Variants in GPATCH8 observed in about 807,000 individuals in gnomAD.
The protein encoded by GPATCH8 is G-patch domain containing 8.
A neutral mutation model predicts 118.3 loss-of-function variants in GPATCH8; 18 were observed. That is an observed-to-expected ratio of 0.15 (90% CI 0.11 to 0.23). The LOEUF (loss-of-function observed/expected upper bound fraction) is 0.23. Ranked by LOEUF, GPATCH8 falls within the 10% of genes least tolerant of loss-of-function variation. The probability of loss-of-function intolerance (pLI) is 1.00; values close to 1 mark genes in which losing one functional copy is unlikely to be tolerated. For synonymous variants in GPATCH8, 659 were observed against 684.7 expected, an observed-to-expected ratio of 0.96 and a Z score of 0.59; for missense variants, 1,631 against 1,873.8, an observed-to-expected ratio of 0.87 and a Z score of 2.39.
intron 7 of GPATCH8, among the ~76,000 whole-genome samples, chr17:44,401,740 A>AT (rs61456581): frequency 0.012 from 1,860 of 152,304 alleles, 32 homozygotes; most frequent in African/African-American, 0.037. Context: ...GTGGTGGCTC[A>AT]TGCCTGTAAT....
At chr17:44,405,607 C>T (rs568669139) in intron 7 of GPATCH8, among the ~76,000 whole-genome samples, 63 of 152,058 alleles carry the variant, frequency 4.1e-4, no homozygotes, top group African/African-American at 1.5e-3. Flanking sequence ...CAGGTTCACG[C>T]CATTCTCCTG....
chr17:44,474,692 AC>A, intron 2 of GPATCH8, 136 bp downstream of exon 2: 1 of 705,796 alleles, frequency 1.4e-6, no homozygotes, highest in Non-Finnish European at 2.6e-6. Flanking sequence ...TTAATTGATT[AC>A]TGTATGGCAT....
intron 3 of GPATCH8, among the ~76,000 whole-genome samples, chr17:44,452,351 T>C (rs2051149629): frequency 1.4e-5 from 2 of 144,928 alleles, no homozygotes; most frequent in African/African-American, 5.1e-5. Context: ...GCTCTTTGGG[T>C]AAAATGGGAG....
chr17:44,403,164 C>T (rs1371870732), intron 7 of GPATCH8, among the ~76,000 whole-genome samples: 1 of 152,084 alleles, frequency 6.6e-6, no homozygotes. Context: ...CAACCTCTAC[C>T]TCCCGGGTTC....
chr17:44,406,697 T>G (rs2049246149), intron 6 of GPATCH8, among the ~76,000 whole-genome samples: 1 of 152,124 alleles, frequency 6.6e-6, no homozygotes, highest in African/African-American at 2.4e-5. Flanking sequence ...GAAAGTAGTA[T>G]GTGAGGCTTT....
At chr17:44,411,925 T>C (rs928507789) in intron 6 of GPATCH8, among the ~76,000 whole-genome samples, 1 of 152,036 alleles carries the variant, frequency 6.6e-6, no homozygotes, top group African/African-American at 2.4e-5. Context: ...AGACTGTGTC[T>C]ATAAAAAAAA....
chr17:44,483,391 C>T (rs1399616983), intron 1 of GPATCH8, among the ~76,000 whole-genome samples: 6 of 145,736 alleles, frequency 4.1e-5, no homozygotes, highest in Admixed American at 3.5e-4. Context: ...GCTGGGACTA[C>T]AGGCACCCAC....
intron 1 of GPATCH8, among the ~76,000 whole-genome samples, chr17:44,495,963 G>T (rs1969638869): frequency 6.6e-6 from 1 of 152,164 alleles, no homozygotes; most frequent in Non-Finnish European, 1.5e-5. Flanking sequence ...CACCTCCCAG[G>T]TTCAAGAGAT....
Position 44,400,058 on chromosome 17 carries a change from G to C in GPATCH8, c.2019C>G (p.His673Gln), listed in dbSNP as rs1446264474. 3.1e-6 allele frequency: 5 copies of C among 1,613,778 alleles called. No individual in the cohort carries two copies. Among genetic ancestry groups the C allele is most frequent in the Non-Finnish European group, 4.2e-6 (5 of 1,179,984 alleles). ...PSKKERSGKS[H>Q]RHKKKKKHKK... ...TGTGCTTCTTTTTCTTTTTGTGCCG[G>C]TGGGACTTCCCAGATCGTTCTTTCT... is the stretch of plus-strand genomic sequence containing the variant. Residue 673 changes from histidine (H) to glutamine (Q), a missense_variant, in exon 8 of 8, where the codon CAC (histidine) becomes CAG (glutamine). Around this residue, in one of 8 missense-constraint regions of GPATCH8, gnomAD observed 922 missense variants for 879.7 expected, o/e 1.05. Coordinates refer to ENST00000591680, the MANE Select transcript of GPATCH8 (RefSeq NM_001002909.4).
chr17:44,474,622 T>A lies in GPATCH8; in HGVS notation c.120+207A>T. Reference sequence around the variant, plus strand: ...ATTTTTCCATTGAAATTCTAATGTGTTTCTAGATTTTTTTGGACTGATTTC... The same window carrying A: ...ATTTTTCCATTGAAATTCTAATGTGATTCTAGATTTTTTTGGACTGATTTC... On this transcript the variant is annotated intron_variant, in intron 2 of 7. Transcript: ENST00000591680. 3 of 660,730 alleles carry A rather than the reference T, an allele frequency of 4.5e-6. No homozygotes were observed. The South Asian group carries it at 4.8e-5, about 11-fold the overall frequency. The allele number at this position is 660,730 out of a possible 1,614,324, so 40.9% of individuals were successfully genotyped here.
chr17:44,469,711 A>G (rs140597436), intron 2 of GPATCH8, among the ~76,000 whole-genome samples: 2 of 152,320 alleles, frequency 1.3e-5, no homozygotes, highest in Non-Finnish European at 2.9e-5. Context: ...CCATGCAAAC[A>G]AGTTGTAAAA....
intron 6 of GPATCH8, among the ~76,000 whole-genome samples, chr17:44,419,937 A>G (rs1041384091): frequency 2.0e-5 from 3 of 152,130 alleles, no homozygotes; most frequent in East Asian, 3.9e-4. Context: ...TACTGTTTGC[A>G]TTAGAACAGC....
intron 3 of GPATCH8, among the ~76,000 whole-genome samples, chr17:44,437,897 A>G (rs945165031): frequency 6.6e-6 from 1 of 151,754 alleles, no homozygotes; most frequent in Admixed American, 6.6e-5. Flanking sequence ...CAGTAAAAAA[A>G]CAAAACAAAA....
chr17:44,433,686 G>A (rs1055532319), intron 5 of GPATCH8, among the ~76,000 whole-genome samples: 1 of 152,100 alleles, frequency 6.6e-6, no homozygotes, highest in African/African-American at 2.4e-5. Context: ...GAAAAAGAGG[G>A]CCCAGGTCTG....
At chr17:44,488,666 T>C (rs1455674006) in intron 1 of GPATCH8, among the ~76,000 whole-genome samples, 1 of 151,368 alleles carries the variant, frequency 6.6e-6, no homozygotes, top group Non-Finnish European at 1.5e-5. Context: ...CCACCACACA[T>C]GGCCCATGAT....
chr17:44,406,276 T>A (rs1407154928), intron 6 of GPATCH8, among the ~76,000 whole-genome samples: 2 of 152,130 alleles, frequency 1.3e-5, no homozygotes, highest in Non-Finnish European at 2.9e-5. Context: ...ATTTGCTTTA[T>A]TAGGCAAAAT....
chr17:44,482,057 G>A (rs940200342), intron 1 of GPATCH8, among the ~76,000 whole-genome samples: 1 of 152,116 alleles, frequency 6.6e-6, no homozygotes, highest in Non-Finnish European at 1.5e-5. Context: ...CAAGGCAGAG[G>A]TTGCAGTGAG....
At chr17:44,413,057 C>A (rs1340681752) in intron 6 of GPATCH8, among the ~76,000 whole-genome samples, 2 of 152,064 alleles carry the variant, frequency 1.3e-5, no homozygotes, top group Non-Finnish European at 2.9e-5. Flanking sequence ...ATTAAACTAC[C>A]CAGTGAAGGA....
At chr17:44,461,476 A>G (rs1385930482) in intron 3 of GPATCH8, among the ~76,000 whole-genome samples, 1 of 151,952 alleles carries the variant, frequency 6.6e-6, no homozygotes, top group Non-Finnish European at 1.5e-5. Flanking sequence ...TAGCCACTGC[A>G]CCCGGCTATG....
Sources: gnomAD v4.1 joint callset for allele counts (sites outside exome capture counted in the v4.1 genomes callset) on GRCh38, gnomAD v4.1.1 for gene constraint, gnomAD v4.1.1 regional missense constraint, MANE v1.5 for transcripts, NCBI Gene and HGNC (gene_info 2026-07-23, HGNC 2026-07-21) for gene names.